The following PIK3C2G variants were observed in gnomAD, a reference collection of about 807,000 sequenced individuals.
The protein encoded by PIK3C2G is phosphatidylinositol-4-phosphate 3-kinase catalytic subunit type 2 gamma, also known as phosphatidylinositol 3-kinase C2 domain-containing subunit gamma.
In PIK3C2G, 168 loss-of-function variants were observed where a neutral mutation model predicts 181.1. The ratio of observed to expected loss-of-function variants is 0.93; its 90% CI spans 0.82 to 1.05. The LOEUF (loss-of-function observed/expected upper bound fraction) is 1.05. PIK3C2G is among the 50% of genes least tolerant of loss of function. PIK3C2G has a pLI of 0.00. For synonymous variants in PIK3C2G, 573 were observed against 592.2 expected, an observed-to-expected ratio of 0.97 and a Z score of 0.47; for missense variants, 1,869 against 1,732.8, an observed-to-expected ratio of 1.08 and a Z score of -1.40.
chr12:18,660,313 T>C, the PIK3C2G span, among the ~76,000 whole-genome samples: 1 of 152,122 alleles, frequency 6.6e-6, no homozygotes, highest in Non-Finnish European at 1.5e-5. Context: ...GGGATCTGTG[T>C]TCTGATATCT....
Position 18,594,582 on chromosome 12 carries a change from G to A in PIK3C2G, c.4087+13G>A, listed in dbSNP as rs368777285. 18 of 1,396,408 alleles carry A rather than the reference G, an allele frequency of 1.3e-5. No homozygotes were observed. In the South Asian group the frequency reaches 2.5e-4, roughly 20 times the overall value. 86.5% of individuals were successfully genotyped at this position (1,396,408 alleles called of 1,614,324 possible). ...CCTGTGTACCTAGGTAAGTAAATTT[G>A]TCATTATATTACGTACAGTGATTTT... On this transcript the variant is annotated intron_variant, in intron 30 of 32. Transcript: ENST00000538779.
At chr12:18,522,377 A>G (rs1411577541) in intron 24 of PIK3C2G, among the ~76,000 whole-genome samples, 1 of 152,106 alleles carries the variant, frequency 6.6e-6, no homozygotes, top group Non-Finnish European at 1.5e-5. Context: ...TTTGTTATTA[A>G]TTAGCAGACT....
intron 1 of PIK3C2G, among the ~76,000 whole-genome samples, chr12:18,278,630 T>C (rs1949084349): frequency 6.6e-6 from 1 of 152,166 alleles, no homozygotes; most frequent in Non-Finnish European, 1.5e-5. Flanking sequence ...CAGGGACTCT[T>C]AGACATGCCT....
intron 30 of PIK3C2G, among the ~76,000 whole-genome samples, chr12:18,597,197 G>T (rs114284514): frequency 0.016 from 2,396 of 150,954 alleles, 68 homozygotes; most frequent in African/African-American, 0.055. Context: ...GAGAAAAATC[G>T]CAACATTGAA....
intron 31 of PIK3C2G, among the ~76,000 whole-genome samples, chr12:18,623,690 G>A (rs375683606): frequency 3.0e-4 from 45 of 151,460 alleles, no homozygotes; most frequent in East Asian, 7.7e-4. Flanking sequence ...ATCTTTCCAC[G>A]TATTTGTGTT....
At chr12:18,408,951 G>A (rs556901702) in intron 16 of PIK3C2G, among the ~76,000 whole-genome samples, 2 of 152,246 alleles carry the variant, frequency 1.3e-5, no homozygotes, top group African/African-American at 4.8e-5. Context: ...CTGTTGGTGG[G>A]AGTGTAAATT....
At chr12:18,412,898 C>G (rs1325159132) in intron 16 of PIK3C2G, among the ~76,000 whole-genome samples, 1 of 152,136 alleles carries the variant, frequency 6.6e-6, no homozygotes, top group Non-Finnish European at 1.5e-5. Context: ...GTAAGCATTA[C>G]CATTTCAACT....
chr12:18,502,623 G>A (rs957423576), intron 22 of PIK3C2G, among the ~76,000 whole-genome samples: 1 of 152,122 alleles, frequency 6.6e-6, no homozygotes, highest in Admixed American at 6.5e-5. Context: ...AACCTTACGA[G>A]CACAATAAAA....
intron 18 of PIK3C2G, among the ~76,000 whole-genome samples, chr12:18,443,890 T>C (rs531575763): frequency 6.6e-6 from 1 of 152,298 alleles, no homozygotes; most frequent in East Asian, 1.9e-4. Flanking sequence ...ACGACCCTTC[T>C]CCTTGACGCC....
the PIK3C2G span, among the ~76,000 whole-genome samples, chr12:18,708,958 G>C: frequency 6.6e-6 from 1 of 151,902 alleles, no homozygotes; most frequent in Non-Finnish European, 1.5e-5. Context: ...CAATTCATAG[G>C]CTGCCCTTTG....
chr12:18,702,350 T>C, the PIK3C2G span, among the ~76,000 whole-genome samples: 1 of 152,182 alleles, frequency 6.6e-6, no homozygotes, highest in Non-Finnish European at 1.5e-5. Flanking sequence ...TTACCATCAG[T>C]GTCACTTGTT....
chr12:18,594,642 TTTTTTCAA>T, intron 30 of PIK3C2G, 73 bp downstream of exon 30: 1 of 749,366 alleles, frequency 1.3e-6, no homozygotes, highest in South Asian at 2.4e-5. Context: ...CACAACTAAT[TTTTTTCAA>T]TTTTTCAATT....
At chr12:18,371,095 C>T (rs918520661) in intron 12 of PIK3C2G, 85 bp from the exon 13 acceptor site, 1 of 1,107,694 alleles carries the variant, frequency 9.0e-7, no homozygotes, top group South Asian at 2.3e-5. Context: ...ATATCTTTGT[C>T]CCAGACCAGT....
rs901531121 is a variant in PIK3C2G, at chr12:18,593,737, A to G, written c.4012-757A>G. Among the ~76,000 whole-genome samples the G allele has an allele frequency of 1.1e-4, 17 of 152,038 alleles. No homozygotes were observed. The Middle Eastern group carries it at 0.014, about 122-fold the overall frequency. The stretch of plus-strand genomic sequence containing the variant: ...TAGCCATTCATTTGGAGATCAGGTT[A>G]AATGTCAATTTGTGATTATCACTAT... On this transcript the variant is annotated intron_variant, in intron 29 of 32. Coordinates refer to ENST00000538779, the MANE Select transcript of PIK3C2G (RefSeq NM_001288772.2).
At chr12:18,422,326 A>G (rs1592219886) in intron 17 of PIK3C2G, among the ~76,000 whole-genome samples, 1 of 96,744 alleles carries the variant, frequency 1.0e-5, no homozygotes, top group African/African-American at 3.4e-5. Flanking sequence ...AATTTAAAAA[A>G]AAAACACTGG....
At chr12:18,247,922 C>T (rs577697845) in exon 1 of PIK3C2G, 1 of 152,278 alleles carries the variant, frequency 6.6e-6, no homozygotes, top group African/African-American at 2.4e-5. Flanking sequence ...CCCTTACTAT[C>T]TGCCTAAGTA....
At chr12:18,716,259 A>C in the PIK3C2G span, among the ~76,000 whole-genome samples, 1 of 152,006 alleles carries the variant, frequency 6.6e-6, no homozygotes, top group Non-Finnish European at 1.5e-5. Flanking sequence ...GGGGGAAAAA[A>C]CCACCAAGAA....
chr12:18,524,387 G>A (rs1049354556), intron 24 of PIK3C2G, among the ~76,000 whole-genome samples: 3 of 152,216 alleles, frequency 2.0e-5, no homozygotes, highest in East Asian at 3.9e-4. Flanking sequence ...GATATTCAGG[G>A]TGGTATTCTC....
At chr12:18,645,014 T>A (rs750385200) in intron 32 of PIK3C2G, among the ~76,000 whole-genome samples, 2 of 152,222 alleles carry the variant, frequency 1.3e-5, no homozygotes, top group Non-Finnish European at 2.9e-5. Flanking sequence ...TTACCTTAAG[T>A]GTTTTCTATT....
Sources: gnomAD v4.1 joint callset for allele counts (sites outside exome capture counted in the v4.1 genomes callset) on GRCh38, gnomAD v4.1.1 for gene constraint, MANE v1.5 for transcripts, NCBI Gene and HGNC (gene_info 2026-07-23, HGNC 2026-07-21) for gene names.